ERC2: variants seen among roughly 807,000 people sequenced by gnomAD.
ERC2 encodes the protein ELKS/RAB6-interacting/CAST family member 2.
Under a neutral mutation model 114.8 loss-of-function variants are expected in ERC2, and 42 were observed. The ratio of observed to expected loss-of-function variants is 0.37; its 90% CI spans 0.29 to 0.47. ERC2 has a LOEUF of 0.47. Among genes scored for constraint, ERC2 ranks in the 20% least tolerant of loss-of-function variants. The probability of loss-of-function intolerance (pLI) is 0.99; values close to 1 mark genes in which losing one functional copy is unlikely to be tolerated. For missense variants in ERC2, 939 were observed against 1,150.7 expected, an observed-to-expected ratio of 0.82 and a Z score of 2.66; for synonymous variants, 454 against 425.5, an observed-to-expected ratio of 1.07 and a Z score of -0.82.
chr3:56,362,544 C>G (rs546071813), intron 2 of ERC2, among the ~76,000 whole-genome samples: 16 of 152,338 alleles, frequency 1.1e-4, no homozygotes, highest in Admixed American at 2.0e-4. Flanking sequence ...CAGCCACACT[C>G]TAGTTCTGGA....
intron 6 of ERC2, among the ~76,000 whole-genome samples, chr3:56,120,200 T>C (rs2079495538): frequency 1.3e-5 from 2 of 152,164 alleles, no homozygotes; most frequent in South Asian, 4.1e-4. Flanking sequence ...TCAGAAGATC[T>C]GGCAACACTG....
chr3:55,545,439 G>T (rs977168657), intron 17 of ERC2, among the ~76,000 whole-genome samples: 1 of 152,216 alleles, frequency 6.6e-6, no homozygotes, highest in Admixed American at 6.5e-5. Context: ...GAAGGTGTGG[G>T]CTGCTGTGCG....
chr3:55,629,531 T>C (rs1202724224), intron 17 of ERC2, among the ~76,000 whole-genome samples: 1 of 152,234 alleles, frequency 6.6e-6, no homozygotes, highest in East Asian at 1.9e-4. Flanking sequence ...TTGAATTGTA[T>C]TCTAAATGAC....
chr3:56,149,314 G>C (rs932975371), intron 4 of ERC2, among the ~76,000 whole-genome samples, 182 bp from the exon 5 acceptor site: 2 of 152,070 alleles, frequency 1.3e-5, no homozygotes, highest in South Asian at 2.1e-4. Context: ...TGAGATGATA[G>C]TTTAAGCTCC....
At chr3:55,746,603 A>G (rs183955558) in intron 14 of ERC2, among the ~76,000 whole-genome samples, 1 of 152,310 alleles carries the variant, frequency 6.6e-6, no homozygotes, top group African/African-American at 2.4e-5. Flanking sequence ...AGCTCCTTTG[A>G]GAGAGTTTTA....
chr3:56,278,417 G>T (rs76439598), intron 3 of ERC2, among the ~76,000 whole-genome samples: 1 of 152,142 alleles, frequency 6.6e-6, no homozygotes, highest in African/African-American at 2.4e-5. Flanking sequence ...GGTAGATAAG[G>T]AATAACTAAA....
At chr3:55,937,590 G>A (rs150430032) in intron 13 of ERC2, among the ~76,000 whole-genome samples, 77 of 152,240 alleles carry the variant, frequency 5.1e-4, no homozygotes, top group Middle Eastern at 3.4e-3. Flanking sequence ...CTCCAGGGGG[G>A]TCACTGACTG....
At chr3:55,731,628 T>C (rs907936426) in intron 15 of ERC2, among the ~76,000 whole-genome samples, 7 of 152,216 alleles carry the variant, frequency 4.6e-5, no homozygotes, top group African/African-American at 1.7e-4. Flanking sequence ...TCTTTTATGA[T>C]CATTTGGCAA....
chr3:56,166,290 C>T (rs947685421), intron 4 of ERC2, among the ~76,000 whole-genome samples: 9 of 152,010 alleles, frequency 5.9e-5, no homozygotes, highest in African/African-American at 1.9e-4. Context: ...AGGATATTTT[C>T]TACCATCAGT....
Position 56,403,038 on chromosome 3 carries a change from T to C in ERC2, c.657+31313A>G, listed in dbSNP as rs184079476. ...TGTCTCCAGACATTGCCACTTGTCCTTGGGGAAGCAAAACTGTCCCTAGCT... is the reference window on the plus strand; with the variant it reads ...TGTCTCCAGACATTGCCACTTGTCCCTGGGGAAGCAAAACTGTCCCTAGCT... On this transcript the variant is annotated intron_variant, in intron 2 of 17. Coordinates refer to ENST00000288221, the MANE Select transcript of ERC2 (RefSeq NM_015576.3). Among the ~76,000 whole-genome samples, 10 of 152,244 alleles carry C rather than the reference T, an allele frequency of 6.6e-5. No individual in the cohort carries two copies. In the East Asian group the frequency reaches 1.7e-3, roughly 27 times the overall value.
At chr3:56,204,922 CTGTGTGTGTGTGTGTGTGTGTGTG>C (rs58831473) in intron 3 of ERC2, among the ~76,000 whole-genome samples, 1 of 149,930 alleles carries the variant, frequency 6.7e-6, no homozygotes, top group African/African-American at 2.5e-5. Context: ...TGGGACGTGT[CTGTGTGTGTGTGTGTGTGTGTGTG>C]TGTGTGTATG....
intron 2 of ERC2, among the ~76,000 whole-genome samples, chr3:56,310,445 T>C (rs1454237269): frequency 1.3e-5 from 2 of 152,228 alleles, no homozygotes. Context: ...CCCTCCAACA[T>C]GTTCATTTAG....
At chr3:56,348,964 GA>G (rs2058443193) in intron 2 of ERC2, among the ~76,000 whole-genome samples, 1 of 97,096 alleles carries the variant, frequency 1.0e-5, no homozygotes, top group Non-Finnish European at 2.1e-5. Flanking sequence ...AGGAAAGAAA[GA>G]AAGAAGGAAA....
intron 2 of ERC2, among the ~76,000 whole-genome samples, chr3:56,366,680 A>G (rs898577913): frequency 5.9e-5 from 9 of 152,006 alleles, no homozygotes; most frequent in Non-Finnish European, 1.2e-4. Flanking sequence ...TTGTCCTTCT[A>G]TTTTGCATTG....
intron 17 of ERC2, among the ~76,000 whole-genome samples, chr3:55,597,495 T>G (rs2058202619): frequency 6.6e-6 from 1 of 151,110 alleles, no homozygotes; most frequent in Non-Finnish European, 1.5e-5. Flanking sequence ...GCCTAGAAAA[T>G]AGTCCTCATT....
intron 13 of ERC2, among the ~76,000 whole-genome samples, chr3:55,938,004 T>C (rs2066557189): frequency 6.6e-6 from 1 of 152,200 alleles, no homozygotes; most frequent in South Asian, 2.1e-4. Context: ...CTTAGAAGGT[T>C]CATGTTTTAA....
chr3:56,170,605 T>TTTG (rs67299735), intron 4 of ERC2, among the ~76,000 whole-genome samples: 1,753 of 141,380 alleles, frequency 0.012, 76 homozygotes, highest in East Asian at 0.031. Flanking sequence ...TTTTTTTTTT[T>TTTG]TTTTTTTTTG....
At chr3:55,615,472 C>T (rs2059085524) in intron 17 of ERC2, among the ~76,000 whole-genome samples, 1 of 152,158 alleles carries the variant, frequency 6.6e-6, no homozygotes, top group Admixed American at 6.5e-5. Context: ...ATAGAGCCTC[C>T]ATGAATCCAG....
At chr3:55,857,807 A>T (rs2061857108) in intron 14 of ERC2, among the ~76,000 whole-genome samples, 3 of 151,962 alleles carry the variant, frequency 2.0e-5, no homozygotes, top group South Asian at 4.2e-4. Flanking sequence ...ATCATGAAAC[A>T]CTCGATTTTC....
Sources: allele counts gnomAD v4.1 joint callset (sites outside exome capture counted in the v4.1 genomes callset), GRCh38; gene constraint gnomAD v4.1.1; transcripts MANE v1.5; gene names NCBI Gene and HGNC (gene_info 2026-07-23, HGNC 2026-07-21).